Variants in ADARB1 observed in about 807,000 individuals in gnomAD.
ADARB1 encodes double-stranded RNA-specific editase 1.
Under a neutral mutation model 52.4 loss-of-function variants are expected in ADARB1, and 10 were observed. That is an observed-to-expected ratio of 0.19 (90% CI 0.12 to 0.32). The LOEUF (loss-of-function observed/expected upper bound fraction) is 0.32, where lower values mean the gene tolerates loss of function less well. Ranked by LOEUF, ADARB1 falls within the 10% of genes least tolerant of loss-of-function variation. ADARB1 has a pLI of 1.00. For missense variants in ADARB1, 643 were observed against 922.3 expected (o/e 0.70, Z 3.92); for synonymous variants, 349 against 371.1 (o/e 0.94, Z 0.68).
intron 2 of ADARB1, among the ~76,000 whole-genome samples, chr21:45,170,045 C>T (rs2091418083): frequency 6.6e-6 from 1 of 152,200 alleles, no homozygotes; most frequent in Admixed American, 6.5e-5. Context: ...ATCGGTCCTT[C>T]CATAATGGAA....
chr21:45,136,710 A>G (rs56362279), intron 2 of ADARB1, among the ~76,000 whole-genome samples: 17,029 of 152,242 alleles, frequency 0.11, 3,240 homozygotes, highest in African/African-American at 0.39. Flanking sequence ...CCCCGCACCC[A>G]GAGGAGGCAC....
At chr21:45,159,674 C>G (rs1402156881) in intron 2 of ADARB1, among the ~76,000 whole-genome samples, 2 of 152,158 alleles carry the variant, frequency 1.3e-5, no homozygotes, top group Non-Finnish European at 2.9e-5. Context: ...GGCGAATAGG[C>G]CCCTTTGCAC....
rs77650871 is a variant in ADARB1 at position 45,165,239 on chromosome 21, C to T, written c.-47-6371C>T. 2.3e-3 allele frequency among the ~76,000 whole-genome samples: 300 copies of T among 132,114 alleles called. 3 individuals are homozygous for T. The highest frequency in any genetic ancestry group is 7.7e-3 in the African/African-American group (286 of 37,008). The allele number at this position is 132,114 out of a possible 152,430, so 86.7% of individuals were successfully genotyped here. A position where few individuals can be genotyped will look rare whatever the true frequency, so the allele number is the denominator to read the frequency against. On this transcript the variant is annotated intron_variant, in intron 2 of 10. Coordinates refer to ENST00000348831, the MANE Select transcript of ADARB1 (RefSeq NM_001112.4). ...GACTGGACCACTGAGGTGTTAGTGC[C>T]CTGTGCAAGGTGCCCTAACTGACAC...
chr21:45,202,465 G>A (rs1340752676), intron 8 of ADARB1, among the ~76,000 whole-genome samples: 1 of 152,128 alleles, frequency 6.6e-6, no homozygotes, highest in Non-Finnish European at 1.5e-5. Flanking sequence ...TCTTGAGGGG[G>A]CATGGAGTGG....
intron 8 of ADARB1, among the ~76,000 whole-genome samples, chr21:45,202,463 G>T (rs529088111): frequency 6.6e-6 from 1 of 152,256 alleles, no homozygotes; most frequent in East Asian, 1.9e-4. Flanking sequence ...GTTCTTGAGG[G>T]GGCATGGAGT....
intron 1 of ADARB1, among the ~76,000 whole-genome samples, chr21:45,075,451 G>T (rs1204790289): frequency 2.6e-5 from 4 of 152,088 alleles, no homozygotes; most frequent in Non-Finnish European, 5.9e-5. Context: ...CGCCCTGGAC[G>T]GTCCTGCGTG....
chr21:45,117,367 G>T (rs1384319355), intron 1 of ADARB1, among the ~76,000 whole-genome samples: 1 of 152,142 alleles, frequency 6.6e-6, no homozygotes, highest in Non-Finnish European at 1.5e-5. Flanking sequence ...GGAAGGGTAC[G>T]TACCCACTAG....
chr21:45,106,541 T>A (rs1028527089), intron 1 of ADARB1, among the ~76,000 whole-genome samples: 3 of 152,216 alleles, frequency 2.0e-5, no homozygotes, highest in South Asian at 4.1e-4. Flanking sequence ...GGCTTTTAGC[T>A]GTCCCCCTTT....
At chr21:45,110,190 T>A (rs76272234) in intron 1 of ADARB1, among the ~76,000 whole-genome samples, 3,192 of 152,348 alleles carry the variant, frequency 0.021, 51 homozygotes, top group East Asian at 0.048. Flanking sequence ...TCTGCATAAT[T>A]TTCTTCCTTG....
intron 1 of ADARB1, among the ~76,000 whole-genome samples, chr21:45,126,619 C>T (rs566043560): frequency 1.3e-5 from 2 of 152,212 alleles, no homozygotes; most frequent in African/African-American, 2.4e-5. Flanking sequence ...GTTCAAGTCA[C>T]ACGACTGCAA....
chr21:45,224,029 TCTGCAC>T lies in ADARB1; in HGVS notation c.*1838_*1843del. On this transcript the variant is annotated 3_prime_UTR_variant, in exon 11 of 11. Transcript: ENST00000348831. ...TTGTTCAGGCAGATCGCGCTGGGGT[TCTGCAC>T]CTGCAGAAGGAGAGGGGTCTGTTGT... 1 of 985,470 alleles carries T rather than the reference TCTGCAC, an allele frequency of 1.0e-6. No individual in the cohort carries two copies. Among genetic ancestry groups the T allele is most frequent in the Non-Finnish European group, 1.2e-6 (1 of 829,994 alleles). The allele number at this position is 985,470 out of a possible 1,614,324, so 61.0% of individuals were successfully genotyped here. A position where few individuals can be genotyped will look rare whatever the true frequency, so the allele number is the denominator to read the frequency against.
intron 4 of ADARB1, 32 bp from the exon 5 acceptor site, chr21:45,180,298 G>A (rs775504624): frequency 1.3e-5 from 20 of 1,514,246 alleles, no homozygotes; most frequent in Middle Eastern, 3.6e-4. Flanking sequence ...GCTGCATCTG[G>A]CCCCTAACCT....
At chr21:45,158,143 G>A (rs1318606872) in intron 2 of ADARB1, among the ~76,000 whole-genome samples, 1 of 152,196 alleles carries the variant, frequency 6.6e-6, no homozygotes, top group Non-Finnish European at 1.5e-5. Flanking sequence ...CAGGAGAGGA[G>A]GCGGAAGGGC....
rs2093039808 is a variant in ADARB1 at position 45,225,054 on chromosome 21, G to A, written c.*2857G>A. 4 of 975,608 alleles carry A rather than the reference G, an allele frequency of 4.1e-6. No homozygotes were observed. The highest frequency in any genetic ancestry group is 4.8e-6 in the Non-Finnish European group (4 of 827,678). 60.4% of individuals were successfully genotyped at this position (975,608 alleles called of 1,614,324 possible). A position where few individuals can be genotyped will look rare whatever the true frequency, so the allele number is the denominator to read the frequency against. On this transcript the variant is annotated 3_prime_UTR_variant, in exon 11 of 11. Coordinates refer to ENST00000348831, the MANE Select transcript of ADARB1 (RefSeq NM_001112.4). Reference sequence around the variant, plus strand: ...TTTTGAGGACATTTTGACAAGTAGGGGAAGAGAGGGCTTCTGTTGTTTTGT... The same window carrying A: ...TTTTGAGGACATTTTGACAAGTAGGAGAAGAGAGGGCTTCTGTTGTTTTGT...
At chr21:45,096,896 C>T (rs751079178) in intron 1 of ADARB1, among the ~76,000 whole-genome samples, 5 of 152,176 alleles carry the variant, frequency 3.3e-5, no homozygotes, top group Non-Finnish European at 2.9e-5. Flanking sequence ...CCTGCCACCA[C>T]GCCCGGCTAA....
At position 45,142,735 on chromosome 21, in the gene ADARB1, CCTTG is replaced by C. The variant is rs2089793215; in HGVS notation, c.-48+14167_-48+14170del. ...GCAGCTGCTGCGGCCTAAGCGGCGTCCTTGCTTGGTCCCCCCATGAACTCAGGGG... is the reference window on the plus strand; with the variant it reads ...GCAGCTGCTGCGGCCTAAGCGGCGTCCTTGGTCCCCCCATGAACTCAGGGG... On this transcript the variant is annotated intron_variant, in intron 2 of 10. Transcript: ENST00000348831. The surrounding 1 kb of genome is among the most constrained non-coding windows in gnomAD (Gnocchi z 4.0). 6.6e-6 allele frequency among the ~76,000 whole-genome samples: 1 copy of C among 152,204 alleles called. No homozygotes were observed. Among genetic ancestry groups the C allele is most frequent in the Non-Finnish European group, 1.5e-5 (1 of 68,040 alleles).
At chr21:45,122,478 T>C (rs934355730) in intron 1 of ADARB1, among the ~76,000 whole-genome samples, 1 of 152,198 alleles carries the variant, frequency 6.6e-6, no homozygotes, top group African/African-American at 2.4e-5. Context: ...ATAAACCCAT[T>C]GTGGAAACCC....
At chr21:45,144,360 A>G (rs188857979) in intron 2 of ADARB1, among the ~76,000 whole-genome samples, 1 of 152,362 alleles carries the variant, frequency 6.6e-6, no homozygotes, top group Admixed American at 6.5e-5. Flanking sequence ...GGAATGTCAG[A>G]TGCTAAATGG....
At chr21:45,133,757 C>T (rs1477478095) in intron 2 of ADARB1, 6 of 261,628 alleles carry the variant, frequency 2.3e-5, no homozygotes, top group Non-Finnish European at 4.4e-5. Context: ...GGTGTGTGCC[C>T]GACGGTGTGT....
Sources: gnomAD v4.1 joint callset for allele counts (sites outside exome capture counted in the v4.1 genomes callset) on GRCh38, gnomAD v4.1.1 for gene constraint, Gnocchi (gnomAD v3.1) non-coding constraint, MANE v1.5 for transcripts, NCBI Gene and HGNC (gene_info 2026-07-23, HGNC 2026-07-21) for gene names.